The following PTPRT variants were observed in gnomAD, a reference collection of about 807,000 sequenced individuals.
PTPRT encodes receptor-type tyrosine-protein phosphatase T.
In PTPRT, 56 loss-of-function variants were observed where a neutral mutation model predicts 176.8. The observed-to-expected ratio is 0.32, with a 90% CI of 0.26 to 0.40. The LOEUF is 0.40. PTPRT is among the 10% of genes least tolerant of loss of function. PTPRT has a pLI of 1.00. For synonymous variants in PTPRT, 783 were observed against 739.0 expected, an observed-to-expected ratio of 1.06 and a Z score of -0.96; for missense variants, 1,540 against 1,908.2, an observed-to-expected ratio of 0.81 and a Z score of 3.60.
At chr20:42,178,046 TC>T (rs1206235499) in intron 16 of PTPRT, among the ~76,000 whole-genome samples, 1 of 152,132 alleles carries the variant, frequency 6.6e-6, no homozygotes, top group African/African-American at 2.4e-5. Context: ...CAAGCGACTC[TC>T]CTGCCTCAGC....
intron 6 of PTPRT, among the ~76,000 whole-genome samples, chr20:42,743,201 A>T (rs2146299287): frequency 6.6e-6 from 1 of 152,322 alleles, no homozygotes; most frequent in South Asian, 2.1e-4. Flanking sequence ...CTGGGTTGAA[A>T]GTGAGTCACA....
intron 1 of PTPRT, among the ~76,000 whole-genome samples, chr20:42,928,958 A>G (rs1278781323): frequency 1.3e-5 from 2 of 152,222 alleles, no homozygotes; most frequent in African/African-American, 4.8e-5. Flanking sequence ...GATAACCCCA[A>G]ACTGGAAATA....
chr20:42,912,050 A>T (rs528491425), intron 1 of PTPRT, among the ~76,000 whole-genome samples: 132 of 148,588 alleles, frequency 8.9e-4, no homozygotes, highest in African/African-American at 2.9e-3. Context: ...AAATATCCAC[A>T]TTTATTTCCT....
At chr20:42,375,234 C>T (rs2058636903) in intron 9 of PTPRT, among the ~76,000 whole-genome samples, 1 of 152,064 alleles carries the variant, frequency 6.6e-6, no homozygotes, top group Non-Finnish European at 1.5e-5. Context: ...ACTGACTGCC[C>T]ATCAGGTGGC....
At chr20:42,182,096 G>C (rs1444168727) in intron 16 of PTPRT, among the ~76,000 whole-genome samples, 1 of 152,168 alleles carries the variant, frequency 6.6e-6, no homozygotes, top group Non-Finnish European at 1.5e-5. Flanking sequence ...AGAATAGGAA[G>C]GAGGTCAATA....
chr20:42,555,623 A>T (rs1234602130), intron 7 of PTPRT, among the ~76,000 whole-genome samples: 1 of 152,156 alleles, frequency 6.6e-6, no homozygotes, highest in Non-Finnish European at 1.5e-5. Context: ...CACGTAACTT[A>T]TAGTCCTTCC....
chr20:43,102,353 T>G (rs1283116754), intron 1 of PTPRT, among the ~76,000 whole-genome samples: 1 of 151,156 alleles, frequency 6.6e-6, no homozygotes, highest in Non-Finnish European at 1.5e-5. Flanking sequence ...CAGACATCTT[T>G]TTAAATGTGT....
chr20:42,326,760 G>A (rs1391064021), intron 11 of PTPRT, among the ~76,000 whole-genome samples: 1 of 152,124 alleles, frequency 6.6e-6, no homozygotes, highest in Non-Finnish European at 1.5e-5. Flanking sequence ...TGAAATCCTG[G>A]AGGAAAGCAT....
At chr20:42,217,177 C>T (rs2055790860) in intron 15 of PTPRT, among the ~76,000 whole-genome samples, 1 of 151,986 alleles carries the variant, frequency 6.6e-6, no homozygotes, top group Non-Finnish European at 1.5e-5. Context: ...AGTTCGAGAC[C>T]AGCCTGGCCA....
At chr20:42,391,840 C>T (rs564563839) in intron 9 of PTPRT, among the ~76,000 whole-genome samples, 3 of 152,288 alleles carry the variant, frequency 2.0e-5, no homozygotes, top group South Asian at 4.1e-4. Flanking sequence ...ATTGGATTTC[C>T]TTTTCTTTCA....
chr20:43,177,267 C>G (rs188868661), intron 1 of PTPRT, among the ~76,000 whole-genome samples: 6 of 152,230 alleles, frequency 3.9e-5, no homozygotes, highest in Non-Finnish European at 7.3e-5. Context: ...CTTCTCCCTT[C>G]ATCCATTTGG....
chr20:42,945,628 G>A (rs1047489552), intron 1 of PTPRT, among the ~76,000 whole-genome samples: 3 of 152,314 alleles, frequency 2.0e-5, no homozygotes, highest in Middle Eastern at 3.4e-3. Flanking sequence ...CCATGTCACC[G>A]GGGTCACTGC....
At chr20:42,443,798 G>C (rs941963528) in intron 9 of PTPRT, among the ~76,000 whole-genome samples, 1 of 152,212 alleles carries the variant, frequency 6.6e-6, no homozygotes, top group African/African-American at 2.4e-5. Flanking sequence ...AGCTGGGCTA[G>C]CAGCAGTAAA....
chr20:42,099,970 C>A (rs113775476), intron 26 of PTPRT, among the ~76,000 whole-genome samples: 76 of 152,328 alleles, frequency 5.0e-4, no homozygotes, highest in African/African-American at 1.8e-3. Context: ...CATGGAAAAA[C>A]ATTGAGGCTT....
chr20:43,062,939 G>A (rs1420099508), intron 1 of PTPRT, among the ~76,000 whole-genome samples: 1 of 152,168 alleles, frequency 6.6e-6, no homozygotes, highest in Admixed American at 6.5e-5. Context: ...AATTTCAAAT[G>A]TATAGCAATC....
chr20:42,702,037 G>A (rs1419497109), intron 6 of PTPRT, among the ~76,000 whole-genome samples: 2 of 152,144 alleles, frequency 1.3e-5, no homozygotes. Flanking sequence ...TCTAATCCCA[G>A]CCCCTCCCTC....
intron 1 of PTPRT, among the ~76,000 whole-genome samples, chr20:43,008,251 GT>G (rs1412231922): frequency 1.3e-5 from 2 of 152,102 alleles, no homozygotes; most frequent in Non-Finnish European, 2.9e-5. Context: ...TAGGATTAGT[GT>G]CCTTAAAAAG....
At chr20:42,164,774 T>G (rs932438101) in intron 16 of PTPRT, among the ~76,000 whole-genome samples, 1 of 152,236 alleles carries the variant, frequency 6.6e-6, no homozygotes, top group Admixed American at 6.5e-5. Flanking sequence ...TTAAAACTAA[T>G]GTGCGATTCT....
At chr20:42,160,076 G>T (rs2146497101) in intron 17 of PTPRT, among the ~76,000 whole-genome samples, 1 of 152,070 alleles carries the variant, frequency 6.6e-6, no homozygotes, top group Middle Eastern at 3.4e-3. Context: ...GAGCCAATGA[G>T]TTTTCTACTG....
Sources: allele counts gnomAD v4.1 joint callset (sites outside exome capture counted in the v4.1 genomes callset), GRCh38; gene constraint gnomAD v4.1.1; transcripts MANE v1.5; gene names NCBI Gene and HGNC (gene_info 2026-07-23, HGNC 2026-07-21).